FRMPD4: variants seen among roughly 807,000 people sequenced by gnomAD.
The protein encoded by FRMPD4 is FERM and PDZ domain-containing protein 4.
FRMPD4 carries 22 observed loss-of-function variants against 94.1 expected under a neutral mutation model. The observed-to-expected ratio is 0.23, with a 90% confidence interval of 0.17 to 0.33. FRMPD4 has a LOEUF of 0.33. Ranked by LOEUF, FRMPD4 falls within the 10% of genes least tolerant of loss-of-function variation. The pLI, the probability that FRMPD4 is intolerant of heterozygous loss-of-function variation, is 1.00. For missense variants in FRMPD4, 1,111 were observed against 1,339.9 expected, an observed-to-expected ratio of 0.83 and a Z score of 2.67; for synonymous variants, 631 against 548.6, an observed-to-expected ratio of 1.15 and a Z score of -2.10.
chrX:12,194,206 A>G (rs2056540042), intron 1 of FRMPD4, among the ~76,000 whole-genome samples: 2 of 111,244 alleles, frequency 1.8e-5, no homozygotes, highest in African/African-American at 6.5e-5. Context: ...TTTCTGGAAC[A>G]CTACTCATTT....
chrX:12,370,344 G>C (rs1174917344), intron 1 of FRMPD4, among the ~76,000 whole-genome samples: 1 of 112,146 alleles, frequency 8.9e-6, no homozygotes, highest in Non-Finnish European at 1.9e-5. Context: ...TAAAATTTTT[G>C]AACTGGGAAA....
chrX:12,286,694 G>A (rs761501172), intron 1 of FRMPD4, among the ~76,000 whole-genome samples: 31 of 111,548 alleles, frequency 2.8e-4, no homozygotes, highest in Non-Finnish European at 5.3e-4. Context: ...TAGACTTTTT[G>A]GAAATTCATG....
At chrX:12,125,028 T>C (rs977321683) in intron 3 of FRMPD4, among the ~76,000 whole-genome samples, 1 of 112,160 alleles carries the variant, frequency 8.9e-6, no homozygotes, top group Non-Finnish European at 1.9e-5. Context: ...TACAGTGACC[T>C]TTGAGAGCAG....
chrX:11,871,102 T>C (rs2053753814), intron 2 of FRMPD4, among the ~76,000 whole-genome samples: 1 of 112,572 alleles, frequency 8.9e-6, no homozygotes, highest in African/African-American at 3.2e-5. Flanking sequence ...TGCAGAAGCA[T>C]TAAAATCTTC....
At chrX:12,160,437 G>A (rs2056006131) in intron 1 of FRMPD4, among the ~76,000 whole-genome samples, 1 of 111,309 alleles carries the variant, frequency 9.0e-6, no homozygotes, top group South Asian at 3.8e-4. Context: ...TCTCAAACCA[G>A]GTAATCTACT....
chrX:11,871,332 A>T (rs28463858), intron 2 of FRMPD4, among the ~76,000 whole-genome samples: 3,043 of 111,803 alleles, frequency 0.027, 52 homozygotes, highest in African/African-American at 0.064. Context: ...GGGGGAATCC[A>T]ACTGAAGACC....
At chrX:12,061,906 G>T (rs898702650) in intron 3 of FRMPD4, among the ~76,000 whole-genome samples, 3 of 111,298 alleles carry the variant, frequency 2.7e-5, no homozygotes, top group African/African-American at 9.8e-5. Context: ...AATATATTTT[G>T]ACCTAATTTG....
intron 1 of FRMPD4, among the ~76,000 whole-genome samples, chrX:12,487,379 T>A (rs1202527527): frequency 1.8e-5 from 2 of 112,357 alleles, no homozygotes; most frequent in African/African-American, 6.5e-5. Context: ...AGAGTGATAT[T>A]GGATGGGAAG....
intron 3 of FRMPD4, among the ~76,000 whole-genome samples, chrX:11,984,914 A>G (rs2147391561): frequency 8.9e-6 from 1 of 112,435 alleles, no homozygotes; most frequent in African/African-American, 3.2e-5. Flanking sequence ...AGATGTACAA[A>G]TGACCAACAA....
At chrX:12,674,241 G>T (rs960697003) in intron 4 of FRMPD4, among the ~76,000 whole-genome samples, 3 of 111,845 alleles carry the variant, frequency 2.7e-5, no homozygotes, top group Non-Finnish European at 3.8e-5. Context: ...CCCAACCGGT[G>T]CCTGTCTGAA....
At position 12,721,705 on chromosome X, in the gene FRMPD4, C is replaced by G. The variant is rs1293891933; in HGVS notation, c.5136C>G (p.Val1712=). The G allele has an allele frequency of 1.3e-6, 1 of 752,113 alleles. No individual in the cohort carries two copies. The highest frequency in any genetic ancestry group is 1.5e-4 in the East Asian group (1 of 6,569). The allele number at this position is 752,113 out of a possible 1,213,427, so 62.0% of individuals were successfully genotyped here. The part of the protein sequence containing the change: ...QEIVGKIDEV[V]INYICLLKAA... The stretch of plus-strand genomic sequence containing the variant: ...TTGTAGGGAAGATCGATGAAGTGGT[C>G]ATAAATTACATTTGTCTACTGAAAG... Residue 1712 remains valine (V), a synonymous_variant, in exon 17 of 17, where the codon GTC becomes GTG. Coordinates refer to ENST00000675598, the MANE Select transcript of FRMPD4 (RefSeq NM_001368397.1).
At chrX:12,312,239 CTTTTTTTTTTTTTTTTT>C (rs200625685) in intron 1 of FRMPD4, among the ~76,000 whole-genome samples, 9 of 61,511 alleles carry the variant, frequency 1.5e-4, no homozygotes, top group Admixed American at 8.8e-4. Context: ...TGCTCCATTA[CTTTTTTTTTTTTTTTTT>C]TTTTTTTTTT....
intron 5 of FRMPD4, among the ~76,000 whole-genome samples, chrX:12,678,239 C>T (rs1207786516): frequency 5.3e-5 from 6 of 112,468 alleles, no homozygotes; most frequent in South Asian, 3.7e-4. Flanking sequence ...CCTTTCACAT[C>T]GTCTTTATTG....
chrX:12,633,486 C>T (rs1318979563), intron 4 of FRMPD4, among the ~76,000 whole-genome samples: 1 of 111,808 alleles, frequency 8.9e-6, no homozygotes, highest in Non-Finnish European at 1.9e-5. Context: ...CCCCTAAAAC[C>T]TTGTATGACC....
intron 3 of FRMPD4, among the ~76,000 whole-genome samples, chrX:12,040,454 T>C (rs1569147390): frequency 9.1e-6 from 1 of 109,772 alleles, no homozygotes; most frequent in East Asian, 2.8e-4. Flanking sequence ...TATAGAAGTC[T>C]ACTGATTTTC....
intron 1 of FRMPD4, among the ~76,000 whole-genome samples, chrX:12,345,718 G>A (rs1374836721): frequency 8.9e-6 from 1 of 112,168 alleles, no homozygotes; most frequent in Non-Finnish European, 1.9e-5. Flanking sequence ...AGCCAATGTA[G>A]TTCAGTCCTG....
intron 3 of FRMPD4, among the ~76,000 whole-genome samples, chrX:12,055,822 A>G (rs770809627): frequency 7.2e-5 from 8 of 111,598 alleles, no homozygotes; most frequent in Non-Finnish European, 1.5e-4. Flanking sequence ...CTTAAATCTG[A>G]TTTCATGTCT....
intron 3 of FRMPD4, among the ~76,000 whole-genome samples, chrX:11,953,078 C>G (rs948973516): frequency 7.2e-5 from 8 of 110,906 alleles, no homozygotes; most frequent in South Asian, 3.9e-4. Context: ...ATAAGTAGAC[C>G]AACTCAAACC....
chrX:12,062,236 T>C (rs1377941081), intron 3 of FRMPD4, among the ~76,000 whole-genome samples: 1 of 111,858 alleles, frequency 8.9e-6, no homozygotes, highest in African/African-American at 3.2e-5. Flanking sequence ...CTAGACAATG[T>C]ATTGCGGTTA....
Sources: allele counts gnomAD v4.1 joint callset (sites outside exome capture counted in the v4.1 genomes callset), GRCh38; gene constraint gnomAD v4.1.1; transcripts MANE v1.5; gene names NCBI Gene and HGNC (gene_info 2026-07-23, HGNC 2026-07-21).